DOCK4: variants seen among roughly 807,000 people sequenced by gnomAD.
The protein encoded by DOCK4 is dedicator of cytokinesis protein 4.
DOCK4 carries 97 observed loss-of-function variants against 268.1 expected under a neutral mutation model. That is an observed-to-expected ratio of 0.36 (90% CI 0.31 to 0.43). The LOEUF is 0.43. Among genes scored for constraint, DOCK4 ranks in the 20% least tolerant of loss-of-function variants. The probability of loss-of-function intolerance (pLI) is 1.00; values close to 1 mark genes in which losing one functional copy is unlikely to be tolerated. For missense variants in DOCK4, 2,145 were observed against 2,455.7 expected, an observed-to-expected ratio of 0.87 and a Z score of 2.67; for synonymous variants, 954 against 887.2, an observed-to-expected ratio of 1.08 and a Z score of -1.34.
intron 21 of DOCK4, among the ~76,000 whole-genome samples, chr7:111,868,756 T>A (rs1030851352): frequency 1.3e-5 from 2 of 152,198 alleles, no homozygotes; most frequent in Admixed American, 6.5e-5. Flanking sequence ...TGGAGTATGA[T>A]GAACACTAAG....
At chr7:112,091,258 G>A (rs1242813727) in intron 1 of DOCK4, among the ~76,000 whole-genome samples, 3 of 152,092 alleles carry the variant, frequency 2.0e-5, no homozygotes, top group East Asian at 3.9e-4. Flanking sequence ...CTCCCCTTAA[G>A]AAGAAAGAGA....
At chr7:112,175,927 C>CA in intron 1 of DOCK4, among the ~76,000 whole-genome samples, 1 of 151,924 alleles carries the variant, frequency 6.6e-6, no homozygotes, top group Non-Finnish European at 1.5e-5. Context: ...GGACATATGC[C>CA]AAAAAAATCT....
intron 13 of DOCK4, among the ~76,000 whole-genome samples, chr7:111,904,434 A>C (rs1791392712): frequency 6.6e-6 from 1 of 152,138 alleles, no homozygotes; most frequent in African/African-American, 2.4e-5. Context: ...AGAGTATTGA[A>C]TGGGGATGGA....
chr7:112,136,049 G>A (rs1814311924), intron 1 of DOCK4, among the ~76,000 whole-genome samples: 1 of 152,070 alleles, frequency 6.6e-6, no homozygotes, highest in Non-Finnish European at 1.5e-5. Context: ...TGGGTTGAAA[G>A]GGGAATTATT....
intron 1 of DOCK4, among the ~76,000 whole-genome samples, chr7:112,106,629 T>C (rs954832235): frequency 5.3e-5 from 8 of 152,216 alleles, no homozygotes; most frequent in Non-Finnish European, 7.3e-5. Context: ...CCAAGGAACA[T>C]CCAATTCTGA....
At chr7:111,907,685 G>A (rs970219745) in intron 13 of DOCK4, among the ~76,000 whole-genome samples, 4 of 152,062 alleles carry the variant, frequency 2.6e-5, no homozygotes, top group African/African-American at 9.7e-5. Context: ...AGAGCTGGAG[G>A]GTGGTAAGCT....
At chr7:112,020,855 T>A (rs1205061104) in intron 1 of DOCK4, among the ~76,000 whole-genome samples, 2 of 152,208 alleles carry the variant, frequency 1.3e-5, no homozygotes, top group Non-Finnish European at 2.9e-5. Context: ...TAAAACATGA[T>A]CTAATCCTAA....
chr7:112,180,308 G>A (rs766862380), intron 1 of DOCK4, among the ~76,000 whole-genome samples: 2 of 152,054 alleles, frequency 1.3e-5, no homozygotes, highest in African/African-American at 4.8e-5. Context: ...AGCATCAGAG[G>A]ACCAAAGACT....
chr7:112,068,088 A>G (rs1807250290), intron 1 of DOCK4, among the ~76,000 whole-genome samples: 2 of 152,224 alleles, frequency 1.3e-5, no homozygotes, highest in Non-Finnish European at 2.9e-5. Flanking sequence ...AATAAGCACC[A>G]GATCTCTTTG....
intron 8 of DOCK4, among the ~76,000 whole-genome samples, chr7:111,952,429 C>T (rs1796124982): frequency 6.6e-6 from 1 of 152,096 alleles, no homozygotes; most frequent in Non-Finnish European, 1.5e-5. Context: ...GTAGAAGTAA[C>T]CCTTCAGTTG....
chr7:111,964,665 G>A (rs1197826208), intron 8 of DOCK4, among the ~76,000 whole-genome samples: 158 of 116,206 alleles, frequency 1.4e-3, no homozygotes, highest in African/African-American at 2.8e-3. Flanking sequence ...CCCCAATCTA[G>A]CAAGGCAGGC....
chr7:111,849,368 T>G (rs1804365141), intron 23 of DOCK4, among the ~76,000 whole-genome samples: 1 of 151,790 alleles, frequency 6.6e-6, no homozygotes, highest in South Asian at 2.1e-4. Context: ...GTTCAAGTGT[T>G]TCTCCTGCCT....
At chr7:112,087,284 C>G (rs1809179195) in intron 1 of DOCK4, among the ~76,000 whole-genome samples, 1 of 152,104 alleles carries the variant, frequency 6.6e-6, no homozygotes, top group African/African-American at 2.4e-5. Context: ...TAGGCCATCT[C>G]TTCTTCAGCT....
intron 1 of DOCK4, among the ~76,000 whole-genome samples, chr7:112,184,813 G>A (rs1819361885): frequency 6.6e-6 from 1 of 152,096 alleles, no homozygotes; most frequent in Non-Finnish European, 1.5e-5. Context: ...CTTGCAGAGG[G>A]TGTTGAGAGA....
intron 35 of DOCK4, 25 bp from the exon 36 acceptor site, chr7:111,778,394 G>C: frequency 6.8e-7 from 1 of 1,472,862 alleles, no homozygotes; most frequent in Non-Finnish European, 9.5e-7. Flanking sequence ...TACAGGTATG[G>C]ATAGTTCCTC....
intron 31 of DOCK4, among the ~76,000 whole-genome samples, chr7:111,789,750 C>G (rs866914586): frequency 9.2e-5 from 14 of 152,144 alleles, no homozygotes; most frequent in Non-Finnish European, 7.3e-5. Context: ...TTGAGGGAGG[C>G]TTCTTCTGGA....
chr7:112,169,663 T>C (rs1360651426), intron 1 of DOCK4, among the ~76,000 whole-genome samples: 2 of 152,176 alleles, frequency 1.3e-5, no homozygotes, highest in Non-Finnish European at 2.9e-5. Flanking sequence ...CTTGTTCCAC[T>C]CCACCTTTCT....
At chr7:111,728,880 G>A (rs1011091770) in intron 52 of DOCK4, among the ~76,000 whole-genome samples, 160 bp from the exon 53 acceptor site, 7 of 152,154 alleles carry the variant, frequency 4.6e-5, no homozygotes, top group Non-Finnish European at 1.0e-4. Flanking sequence ...AAGGTAAAAG[G>A]CCATTATGGT....
At chr7:111,823,246 C>T (rs562649808) in intron 26 of DOCK4, among the ~76,000 whole-genome samples, 1 of 136,820 alleles carries the variant, frequency 7.3e-6, no homozygotes, top group Non-Finnish European at 1.5e-5. Flanking sequence ...CTTGCTCTGT[C>T]GCCAGGCTAG....
Sources: allele counts gnomAD v4.1 joint callset (sites outside exome capture counted in the v4.1 genomes callset), GRCh38; gene constraint gnomAD v4.1.1; transcripts MANE v1.5; gene names NCBI Gene and HGNC (gene_info 2026-07-23, HGNC 2026-07-21).